Variants in SPTBN5 observed in about 807,000 individuals in gnomAD.
The protein encoded by SPTBN5 is spectrin beta chain, non-erythrocytic 5.
Under a neutral mutation model 477.6 loss-of-function variants are expected in SPTBN5, and 513 were observed. The observed-to-expected ratio is 1.07, with a 90% confidence interval of 1.00 to 1.16. The LOEUF is 1.16. SPTBN5 is among the 50% of genes most tolerant of loss of function. SPTBN5 has a pLI of 0.00. For synonymous variants in SPTBN5, 2,169 were observed against 2,011.7 expected (o/e 1.08, Z -2.09); for missense variants, 5,062 against 4,731.8 (o/e 1.07, Z -2.05).
At chr15:41,850,373 G>A (rs374562153) in intron 66 of SPTBN5, 1 of 241,818 alleles carries the variant, frequency 4.1e-6, no homozygotes, top group Non-Finnish European at 8.1e-6. Flanking sequence ...GACCACGGAA[G>A]AAAGTCCAAA....
At position 41,853,411 on chromosome 15, in the gene SPTBN5, G is replaced by A. The variant is rs746776332; in HGVS notation, c.10017C>T (p.Ser3339=). Residue 3339 remains serine (S), a synonymous_variant, in exon 59 of 68, where the codon TCC becomes TCT. Coordinates refer to ENST00000320955, the MANE Select transcript of SPTBN5 (RefSeq NM_016642.4). ...WAQERQELAS[S]EELAEDVAGA... ...CCGCCACGTCCTCAGCCAGCTCCTC[G>A]GAGGACGCCAGCTCCTGCCTCTCCT... 2.5e-4 allele frequency: 400 copies of A among 1,598,978 alleles called. No individual in the cohort carries two copies. The highest frequency in any genetic ancestry group is 3.2e-4 in the Non-Finnish European group (369 of 1,170,178).
rs60619948 is a variant in SPTBN5, at chr15:41,869,935, G to T, written c.5759C>A (p.Ala1920Asp). ...CAGCACTGCCCACGCCTGCGTCACA[G>T]CTTGCTGCCTCTGCTGCACCGCATG... ...QAHAVQQRQQ[A>D]VTQAWAVLQR... is the part of the protein sequence containing the mutation. The change falls in exon 32 of 68, where the codon GCT (alanine) becomes GAT (aspartate). Residue 1920 changes from alanine to aspartate, a missense_variant. Physicochemically the swap from Ala to Asp is moderately radical, Grantham distance 126. Coordinates refer to ENST00000320955, the MANE Select transcript of SPTBN5 (RefSeq NM_016642.4). The T allele has an allele frequency of 6.4e-7, 1 of 1,554,972 alleles. No individual in the cohort carries two copies. The highest frequency in any genetic ancestry group is 1.2e-5 in the South Asian group (1 of 85,134).
rs756305901 is a variant in SPTBN5, at chr15:41,858,706, C to A, written c.8122G>T (p.Glu2708Ter). 6.8e-6 allele frequency: 11 copies of A among 1,609,850 alleles called. 1 individual carries two copies. The South Asian group carries it at 1.2e-4, about 18-fold the overall frequency. Residue 2708 changes from glutamate (E) to a stop codon, truncating the protein, a stop_gained, in exon 49 of 68, where the codon GAG (glutamate) becomes TAG (stop). Transcript: ENST00000320955. LOFTEE classifies it high-confidence loss of function. ...LREKNLVALE[E>*]GLLDTAMLPA... is the part of the protein sequence containing the mutation. ...AGCATGGCTGTGTCCAGCAAACCCT[C>A]CTCCAAGGCCACCAGGTTCTTCTCC...
intron 41 of SPTBN5, among the ~76,000 whole-genome samples, chr15:41,863,399 G>C (rs1246955245): frequency 6.6e-6 from 1 of 152,206 alleles, no homozygotes; most frequent in Non-Finnish European, 1.5e-5. Context: ...TCAGGGATGG[G>C]AGGAAACAGA....
chr15:41,876,918 G>A lies in SPTBN5; in HGVS notation c.3742C>T (p.Gln1248Ter), dbSNP rs1567218072. ...EDVREALSLL[Q>*]QHREFGRLLS... is the part of the protein sequence containing the mutation. ...AGCCGCCCAAACTCCCGGTGCTGCT[G>A]CAGCAGGCTCAGGGCCTCCCTCACG... The change falls in exon 19 of 68, where the codon CAG (glutamine) becomes TAG (stop). Residue 1248 changes from glutamine (Q) to a stop codon, truncating the protein, a stop_gained. Coordinates refer to ENST00000320955, the MANE Select transcript of SPTBN5 (RefSeq NM_016642.4). LOFTEE classifies it high-confidence loss of function. 1 of 1,609,870 alleles carries A rather than the reference G, an allele frequency of 6.2e-7. No homozygotes were observed. The highest frequency in any genetic ancestry group is 8.5e-7 in the Non-Finnish European group (1 of 1,179,430).
At chr15:41,872,589 A>C in intron 26 of SPTBN5, 130 bp from the exon 27 acceptor site, 16 of 958,998 alleles carry the variant, frequency 1.7e-5, no homozygotes, top group Admixed American at 2.5e-5. Context: ...CATCTACCTC[A>C]ACTCATTCAT....
At position 41,862,859 on chromosome 15, in the gene SPTBN5, G is replaced by A. The variant is rs769079324; in HGVS notation, c.7194C>T (p.Ser2398=). The stretch of plus-strand genomic sequence containing the variant: ...CGTGTTTCCGCAGCAGCCTCTGCAC[G>A]CTCTCCAGATCTTTCCCACAGTCCA... The part of the protein sequence containing the change: ...QALDCGKDLE[S]VQRLLRKHEE... The change falls in exon 42 of 68, where the codon AGC becomes AGT. Residue 2398 remains serine, a synonymous_variant. Coordinates refer to ENST00000320955, the MANE Select transcript of SPTBN5 (RefSeq NM_016642.4). 11 of 1,590,360 alleles carry A rather than the reference G, an allele frequency of 6.9e-6. No homozygotes were observed. The highest frequency in any genetic ancestry group is 4.0e-5 in the African/African-American group (3 of 74,438).
rs958978092 is a variant in SPTBN5 at position 41,867,053 on chromosome 15, T to A, written c.6386A>T (p.Gln2129Leu). ...CAGCTCCTTCACTCTCATCCGGCGC[T>A]GCAGCAGGATGGGAAGCCGGTCCCG... ...RVRDRLPILL[Q>L]RRMRVKELAE... is the part of the protein sequence containing the mutation. Residue 2129 changes from glutamine (Q) to leucine (L), a missense_variant, in exon 36 of 68, where the codon CAG becomes CTG. By Grantham distance (113) the Gln-to-Leu change is moderately radical. Transcript: ENST00000320955. The A allele has an allele frequency of 2.6e-6, 4 of 1,551,368 alleles. No individual in the cohort carries two copies. The highest frequency in any genetic ancestry group is 3.5e-6 in the Non-Finnish European group (4 of 1,148,398).
intron 57 of SPTBN5, 32 bp from the exon 58 acceptor site, chr15:41,853,819 C>T (rs534103161): frequency 1.3e-6 from 2 of 1,520,448 alleles, no homozygotes; most frequent in Non-Finnish European, 1.8e-6. Context: ...AGGCCTCAGT[C>T]CCCCCACTGA....
At chr15:41,880,402 A>T in intron 13 of SPTBN5, 90 bp from the exon 14 acceptor site, 1 of 1,381,172 alleles carries the variant, frequency 7.2e-7, no homozygotes, top group Non-Finnish European at 9.7e-7. Flanking sequence ...TCCCCATCCC[A>T]GCCCACCAGC....
At position 41,882,107 on chromosome 15, in the gene SPTBN5, G is replaced by C. The variant is rs748700908; in HGVS notation, c.2286C>G (p.Arg762=). The C allele has an allele frequency of 3.8e-6, 6 of 1,573,616 alleles. No individual in the cohort carries two copies. Among genetic ancestry groups the C allele is most frequent in the East Asian group, 2.3e-5 (1 of 42,554 alleles). The part of the protein sequence containing the change: ...ADAAEAASWL[R]ERRSSLERAS... ...CTCTCTCCAGCGAGGATCGCCGCTCGCGCAGCCACGAAGCCGCCTCCGCCG... is the reference window on the plus strand; with the variant it reads ...CTCTCTCCAGCGAGGATCGCCGCTCCCGCAGCCACGAAGCCGCCTCCGCCG... The change falls in exon 12 of 68, where the codon CGC becomes CGG. Residue 762 remains arginine (R), a synonymous_variant. Transcript: ENST00000320955.
At chr15:41,861,966 CCCAG>C (rs752701703) in intron 44 of SPTBN5, 43 bp from the exon 45 acceptor site, 1 of 1,571,046 alleles carries the variant, frequency 6.4e-7, no homozygotes, top group Admixed American at 1.9e-5. Context: ...CTGGAAGCAG[CCCAG>C]CAGGCAGGAG....
At chr15:41,854,298 G>C in intron 56 of SPTBN5, 93 bp from the exon 57 acceptor site, 2 of 1,420,482 alleles carry the variant, frequency 1.4e-6, no homozygotes, top group East Asian at 2.5e-5. Context: ...ACCTCCTTTT[G>C]AACAAGGAGG....
At chr15:41,866,317 G>A (rs1278185431) in intron 37 of SPTBN5, 27 bp downstream of exon 37, 51 of 1,574,560 alleles carry the variant, frequency 3.2e-5, no homozygotes, top group Non-Finnish European at 4.3e-5. Flanking sequence ...TTTGGGGCAG[G>A]CATGGGGCTG....
rs773311472 is a variant in SPTBN5, at chr15:41,874,877, C to T, written c.4467G>A (p.Pro1489=). 4.5e-5 allele frequency: 73 copies of T among 1,611,540 alleles called. No individual in the cohort carries two copies. Among genetic ancestry groups the T allele is most frequent in the East Asian group, 3.3e-4 (15 of 44,790 alleles). ...GCTTCTGGGTCTCTTCCAGGATGGC[C>T]GGGGAGGCGGCCATGCCATGGGCCA... The part of the protein sequence containing the change: ...ASMAHGMAAS[P]AILEETQKHL... Residue 1489 remains proline, a synonymous_variant, in exon 23 of 68, where the codon CCG becomes CCA. Coordinates refer to ENST00000320955, the MANE Select transcript of SPTBN5 (RefSeq NM_016642.4).
rs769976613 is a variant in SPTBN5, at chr15:41,868,400, C to T, written c.6055G>A (p.Glu2019Lys). ...ALLAAGTPTK[E>K]VQEELRALQD... Reference sequence around the variant, plus strand: ...GGGCACCAGGGGAGGGGGCCCACCTCCTTGGTGGGTGTCCCTGCAGCAAGA... The same window carrying T: ...GGGCACCAGGGGAGGGGGCCCACCTTCTTGGTGGGTGTCCCTGCAGCAAGA... The change falls in exon 33 of 68, where the codon GAG becomes AAG. Residue 2019 changes from glutamate to lysine, a missense_variant and splice_region_variant. Coordinates refer to ENST00000320955, the MANE Select transcript of SPTBN5 (RefSeq NM_016642.4). 6.2e-7 allele frequency: 1 copy of T among 1,600,912 alleles called. No individual in the cohort carries two copies. Among genetic ancestry groups the T allele is most frequent in the Admixed American group, 1.7e-5 (1 of 59,660 alleles).
intron 7 of SPTBN5, among the ~76,000 whole-genome samples, chr15:41,885,023 TTTATTG>T (rs893170222): frequency 1.3e-5 from 2 of 152,160 alleles, no homozygotes; most frequent in Non-Finnish European, 2.9e-5. Flanking sequence ...CCTATCCTCC[TTTATTG>T]TTATTATTTT....
At position 41,857,308 on chromosome 15, in the gene SPTBN5, G is replaced by C. The variant is rs12442525; in HGVS notation, c.8551C>G (p.Gln2851Glu). Residue 2851 changes from glutamine (Q) to glutamate (E), a missense_variant, in exon 51 of 68, where the codon CAG (glutamine) becomes GAG (glutamate). Gln to Glu is a conservative substitution (Grantham distance 29). Transcript: ENST00000320955. The stretch of plus-strand genomic sequence containing the variant: ...CAGTGGCCTTCCCTCACAAAGGCCT[G>C]GGCCTGGCCCAGCAGTGCCTCAGCC... ...RQAEALLGQA[Q>E]AFVREGHCLA... is the part of the protein sequence containing the mutation. 744,341 of 1,568,292 alleles carry C rather than the reference G, an allele frequency of 0.47. 188,394 individuals carry two copies. Among genetic ancestry groups the C allele is most frequent in the East Asian group, 0.97 (40,909 of 42,252 alleles).
chr15:41,862,931 G>A, intron 41 of SPTBN5, 28 bp from the exon 42 acceptor site: 2 of 1,548,294 alleles, frequency 1.3e-6, no homozygotes, highest in South Asian at 1.2e-5. Flanking sequence ...CCAGTTACCT[G>A]CTGGGCCTTT....
Sources: allele counts gnomAD v4.1 joint callset (sites outside exome capture counted in the v4.1 genomes callset), GRCh38; gene constraint gnomAD v4.1.1; transcripts MANE v1.5; gene names NCBI Gene and HGNC (gene_info 2026-07-23, HGNC 2026-07-21).